PARM1: variants seen among roughly 807,000 people sequenced by gnomAD.
The protein encoded by PARM1 is WSC4, cell wall integrity and stress response component 4 homolog.
PARM1 carries 14 observed loss-of-function variants against 24.6 expected under a neutral mutation model. The observed-to-expected ratio is 0.57, with a 90% CI of 0.38 to 0.89. The LOEUF (loss-of-function observed/expected upper bound fraction) is 0.89. PARM1 is among the 40% of genes least tolerant of loss of function. PARM1 has a pLI of 0.00. For missense variants in PARM1, 362 were observed against 380.4 expected (o/e 0.95, Z 0.40); for synonymous variants, 179 against 156.6 (o/e 1.14, Z -1.07).
At chr4:74,934,188 G>T (rs926334147) in intron 1 of PARM1, among the ~76,000 whole-genome samples, 8 of 152,114 alleles carry the variant, frequency 5.3e-5, no homozygotes, top group African/African-American at 1.9e-4. Context: ...GGGGACCGGG[G>T]AGAGATTCAG....
intron 1 of PARM1, among the ~76,000 whole-genome samples, chr4:75,011,287 A>G (rs1395872273): frequency 6.6e-6 from 1 of 152,198 alleles, no homozygotes; most frequent in Non-Finnish European, 1.5e-5. Context: ...TAGGGGAGAT[A>G]GTGACAAGTG....
chr4:74,967,820 T>C lies in PARM1; in HGVS notation c.43+34450T>C, dbSNP rs536015889. On this transcript the variant is annotated intron_variant, in intron 1 of 3. Coordinates refer to ENST00000307428, the MANE Select transcript of PARM1 (RefSeq NM_015393.4). Reference sequence around the variant, plus strand: ...AAAGTGAAACCATGGTTAAAATATTTGGCAAAATGTAACCATTATTAATAA... The same window carrying C: ...AAAGTGAAACCATGGTTAAAATATTCGGCAAAATGTAACCATTATTAATAA... 2.6e-5 allele frequency: 4 copies of C among 152,320 alleles called. No homozygotes were observed. The South Asian group carries it at 6.2e-4, about 24-fold the overall frequency. 9.4% of individuals were successfully genotyped at this position (152,320 alleles called of 1,614,324 possible).
intron 2 of PARM1, among the ~76,000 whole-genome samples, chr4:75,026,349 A>G (rs1723183031): frequency 6.6e-6 from 1 of 152,240 alleles, no homozygotes; most frequent in Admixed American, 6.5e-5. Context: ...CACTGGTATT[A>G]CAGTGTATTT....
At chr4:74,934,996 C>CTTTTTTTTTTTT (rs11392364) in intron 1 of PARM1, among the ~76,000 whole-genome samples, 2 of 116,552 alleles carry the variant, frequency 1.7e-5, no homozygotes, top group Admixed American at 9.2e-5. Context: ...GCTCTTTTTT[C>CTTTTTTTTTTTT]TTTTTTTTTT....
chr4:74,996,530 T>C (rs1483357618), intron 1 of PARM1, among the ~76,000 whole-genome samples: 6 of 151,502 alleles, frequency 4.0e-5, no homozygotes, highest in African/African-American at 1.5e-4. Flanking sequence ...GATTGACCTA[T>C]TGAATTTGGT....
intron 1 of PARM1, among the ~76,000 whole-genome samples, chr4:74,961,516 A>G (rs1301598018): frequency 6.6e-6 from 1 of 152,228 alleles, no homozygotes; most frequent in African/African-American, 2.4e-5. Flanking sequence ...CATTATAATC[A>G]GACTGTTGAA....
chr4:74,998,137 C>T (rs1460339963), intron 1 of PARM1, among the ~76,000 whole-genome samples: 18 of 152,190 alleles, frequency 1.2e-4, no homozygotes, highest in Admixed American at 1.1e-3. Context: ...CCCCAGTTGG[C>T]ATTGCAAACA....
intron 1 of PARM1, among the ~76,000 whole-genome samples, chr4:74,968,898 T>A (rs1052252513): frequency 1.3e-5 from 2 of 152,218 alleles, no homozygotes; most frequent in African/African-American, 4.8e-5. Context: ...TGGGTTCCAG[T>A]CATTCTGAGA....
At chr4:75,042,474 A>G (rs1470900639) in intron 3 of PARM1, among the ~76,000 whole-genome samples, 1 of 152,228 alleles carries the variant, frequency 6.6e-6, no homozygotes, top group African/African-American at 2.4e-5. Flanking sequence ...CCTTGGTTTC[A>G]TTAGCAGCAC....
At chr4:75,026,793 C>T (rs1009906002) in intron 2 of PARM1, among the ~76,000 whole-genome samples, 3 of 152,228 alleles carry the variant, frequency 2.0e-5, no homozygotes, top group Non-Finnish European at 4.4e-5. Flanking sequence ...AATGAAGACA[C>T]TGGCCTTTAC....
At chr4:75,009,114 A>G (rs1722824033) in intron 1 of PARM1, among the ~76,000 whole-genome samples, 2 of 152,196 alleles carry the variant, frequency 1.3e-5, no homozygotes, top group Non-Finnish European at 1.5e-5. Flanking sequence ...CACAGCTGCC[A>G]AAAGACCACC....
At chr4:75,027,405 G>A (rs1723203104) in intron 2 of PARM1, among the ~76,000 whole-genome samples, 1 of 152,024 alleles carries the variant, frequency 6.6e-6, no homozygotes, top group Non-Finnish European at 1.5e-5. Context: ...GGGGTGGAAT[G>A]GAAAGAAGAA....
At chr4:74,994,331 A>G (rs1160656783) in intron 1 of PARM1, 4 of 152,208 alleles carry the variant, frequency 2.6e-5, no homozygotes, top group Non-Finnish European at 5.9e-5. Flanking sequence ...CTTAAAATGG[A>G]CACTGTTGCT....
intron 1 of PARM1, among the ~76,000 whole-genome samples, chr4:74,999,825 T>C (rs986623387): frequency 6.6e-5 from 10 of 152,240 alleles, no homozygotes; most frequent in Admixed American, 3.3e-4. Flanking sequence ...CTGCTTCCTC[T>C]GCTTCTTCAG....
At chr4:74,985,458 C>T (rs1722333070) in intron 1 of PARM1, among the ~76,000 whole-genome samples, 1 of 152,174 alleles carries the variant, frequency 6.6e-6, no homozygotes, top group Admixed American at 6.5e-5. Flanking sequence ...CCATTTCATC[C>T]TTATCACAAT....
At position 75,012,844 on chromosome 4, in the gene PARM1, G is replaced by T. The variant is rs1263638208; in HGVS notation, c.463G>T (p.Ala155Ser). The T allele has an allele frequency of 6.2e-7, 1 of 1,613,892 alleles. No homozygotes were observed. Among genetic ancestry groups the T allele is most frequent in the Non-Finnish European group, 8.5e-7 (1 of 1,179,862 alleles). ...PPTLISPQAP[A>S]SSPSSLSTSP... is the part of the protein sequence containing the mutation. ...CACACTCATCTCCCCTCAAGCTCCA[G>T]CCTCATCACCCTCATCCCTATCAAC... is the stretch of plus-strand genomic sequence containing the variant. The change falls in exon 2 of 4, where the codon GCC (alanine) becomes TCC (serine). Residue 155 changes from alanine to serine, a missense_variant. By Grantham distance (99) the Ala-to-Ser change is moderately conservative. Coordinates refer to ENST00000307428, the MANE Select transcript of PARM1 (RefSeq NM_015393.4).
chr4:74,937,669 T>C (rs1721221263), intron 1 of PARM1, among the ~76,000 whole-genome samples: 1 of 152,194 alleles, frequency 6.6e-6, no homozygotes, highest in Non-Finnish European at 1.5e-5. Flanking sequence ...TTAGCTGTTG[T>C]TGTTGCTATT....
intron 3 of PARM1, among the ~76,000 whole-genome samples, chr4:75,035,239 G>C (rs940681553): frequency 4.6e-5 from 7 of 152,016 alleles, no homozygotes; most frequent in African/African-American, 1.5e-4. Context: ...TTATTTTATT[G>C]CTATCATTTT....
intron 1 of PARM1, among the ~76,000 whole-genome samples, chr4:75,006,724 T>C (rs987548494): frequency 1.3e-5 from 2 of 152,180 alleles, no homozygotes; most frequent in Non-Finnish European, 2.9e-5. Flanking sequence ...CCACACTGTC[T>C]TCCACAATGG....
Sources: allele counts gnomAD v4.1 joint callset (sites outside exome capture counted in the v4.1 genomes callset), GRCh38; gene constraint gnomAD v4.1.1; transcripts MANE v1.5; gene names NCBI Gene and HGNC (gene_info 2026-07-23, HGNC 2026-07-21).